Variants in MYO16 observed in about 807,000 individuals in gnomAD.
MYO16 encodes the protein unconventional myosin-XVI.
Under a neutral mutation model 205.3 loss-of-function variants are expected in MYO16, and 94 were observed. The observed-to-expected ratio is 0.46, with a 90% CI of 0.39 to 0.54. The LOEUF is 0.54. Ranked by LOEUF, MYO16 falls within the 20% of genes least tolerant of loss-of-function variation. The pLI is 0.00. For missense variants in MYO16, 2,315 were observed against 2,387.5 expected (o/e 0.97, Z 0.63); for synonymous variants, 988 against 954.0 (o/e 1.04, Z -0.66).
At chr13:108,809,678 C>T (rs1887224987) in intron 7 of MYO16, among the ~76,000 whole-genome samples, 1 of 152,198 alleles carries the variant, frequency 6.6e-6, no homozygotes, top group South Asian at 2.1e-4. Flanking sequence ...CCCAATCACC[C>T]CCAACCAGGC....
intron 10 of MYO16, among the ~76,000 whole-genome samples, chr13:108,844,931 T>G (rs946575007): frequency 6.6e-6 from 1 of 152,136 alleles, no homozygotes; most frequent in African/African-American, 2.4e-5. Context: ...TACGTGTCTG[T>G]GTGTTTATGT....
At chr13:109,103,032 C>A (rs157003) in intron 28 of MYO16, among the ~76,000 whole-genome samples, 119,353 of 151,972 alleles carry the variant, frequency 0.79, 47,011 homozygotes, top group Middle Eastern at 0.87. Context: ...AGCTTCTTCA[C>A]GATGTAACCT....
At chr13:108,944,805 C>G (rs935576068) in intron 16 of MYO16, among the ~76,000 whole-genome samples, 1 of 152,028 alleles carries the variant, frequency 6.6e-6, no homozygotes, top group African/African-American at 2.4e-5. Flanking sequence ...CCTTATAACA[C>G]TTTTATTAGT....
intron 21 of MYO16, among the ~76,000 whole-genome samples, chr13:108,993,367 T>C (rs1213633966): frequency 6.6e-6 from 1 of 152,154 alleles, no homozygotes; most frequent in Admixed American, 6.5e-5. Flanking sequence ...AGATTAAACA[T>C]AATTAAACAG....
At chr13:108,878,959 A>G (rs1879462527) in intron 12 of MYO16, among the ~76,000 whole-genome samples, 1 of 152,218 alleles carries the variant, frequency 6.6e-6, no homozygotes, top group South Asian at 2.1e-4. Context: ...TGATCCATTT[A>G]TCTAGTCTTT....
chr13:108,779,277 C>T (rs999017567), intron 4 of MYO16, among the ~76,000 whole-genome samples: 16 of 152,068 alleles, frequency 1.1e-4, no homozygotes, highest in Non-Finnish European at 1.5e-4. Flanking sequence ...TTGTTAGCAT[C>T]CAGCCAGGAT....
intron 32 of MYO16, among the ~76,000 whole-genome samples, chr13:109,155,642 C>G (rs1877972515): frequency 6.6e-6 from 1 of 152,232 alleles, no homozygotes; most frequent in Non-Finnish European, 1.5e-5. Context: ...TCCATCACCA[C>G]TAGACTCAGA....
chr13:108,962,337 A>T, intron 18 of MYO16, 87 bp from the exon 19 acceptor site: 1 of 1,044,618 alleles, frequency 9.6e-7, no homozygotes, highest in South Asian at 1.4e-5. Flanking sequence ...GCCTATATAA[A>T]ACTTATCAAT....
At chr13:108,666,791 C>A (rs1001612853) in intron 2 of MYO16, among the ~76,000 whole-genome samples, 1 of 152,150 alleles carries the variant, frequency 6.6e-6, no homozygotes, top group Non-Finnish European at 1.5e-5. Flanking sequence ...ATTGTCTTCA[C>A]AAGACTGTTA....
chr13:108,739,545 C>A (rs1024686608), intron 4 of MYO16, among the ~76,000 whole-genome samples: 1 of 152,198 alleles, frequency 6.6e-6, no homozygotes, highest in African/African-American at 2.4e-5. Context: ...AGTAACCCGA[C>A]CTTTCTCTCT....
chr13:108,510,485 T>TTTTTTTTTA, the MYO16 span, among the ~76,000 whole-genome samples: 2 of 96,470 alleles, frequency 2.1e-5, no homozygotes, highest in Non-Finnish European at 4.3e-5. Context: ...TTTTTTTTTT[T>TTTTTTTTTA]ATTGTACTTT....
intron 11 of MYO16, among the ~76,000 whole-genome samples, chr13:108,858,823 G>A (rs545680340): frequency 3.4e-4 from 51 of 152,220 alleles, no homozygotes; most frequent in African/African-American, 9.4e-4. Context: ...AAGCCGCAAC[G>A]CTTTCCCCCT....
At chr13:109,043,946 A>G (rs998082824) in intron 23 of MYO16, among the ~76,000 whole-genome samples, 1 of 152,174 alleles carries the variant, frequency 6.6e-6, no homozygotes, top group Admixed American at 6.5e-5. Context: ...AGGCAAAAAG[A>G]TTTCTAACAG....
At chr13:108,542,060 C>T in the MYO16 span, among the ~76,000 whole-genome samples, 7 of 152,254 alleles carry the variant, frequency 4.6e-5, 1 homozygote, top group South Asian at 8.3e-4. Flanking sequence ...TGGAATCAAC[C>T]TAAATTCTCA....
the MYO16 span, among the ~76,000 whole-genome samples, chr13:108,537,906 G>T: frequency 6.6e-6 from 1 of 151,686 alleles, no homozygotes; most frequent in Non-Finnish European, 1.5e-5. Flanking sequence ...GTAGACTGTG[G>T]GTATTAATCC....
chr13:108,747,644 T>C (rs370269058), intron 4 of MYO16, among the ~76,000 whole-genome samples: 4 of 152,240 alleles, frequency 2.6e-5, no homozygotes, highest in East Asian at 3.9e-4. Flanking sequence ...ATGTAATACA[T>C]GGAAATAGTT....
chr13:108,772,360 AAAAAG>A lies in MYO16; in HGVS notation c.508-13256_508-13252del, dbSNP rs111731215. Among the ~76,000 whole-genome samples the A allele has an allele frequency of 3.5e-4, 53 of 151,802 alleles. No homozygotes were observed. The South Asian group carries it at 9.1e-3, about 26-fold the overall frequency. ...GCAAGACCCTGTCTCAAAAGAAAGA[AAAAAG>A]AAAAGAAAAGAAAAGAAATCACCAA... On this transcript the variant is annotated intron_variant, in intron 4 of 34. Transcript: ENST00000457511.
At chr13:108,654,069 A>G (rs1240279383) in intron 1 of MYO16, among the ~76,000 whole-genome samples, 2 of 151,908 alleles carry the variant, frequency 1.3e-5, no homozygotes, top group Non-Finnish European at 2.9e-5. Flanking sequence ...ATCCTTGTGT[A>G]GGTCTCTCAG....
chr13:108,768,221 G>A (rs1390615636), intron 4 of MYO16, among the ~76,000 whole-genome samples: 3 of 151,936 alleles, frequency 2.0e-5, no homozygotes, highest in Non-Finnish European at 4.4e-5. Flanking sequence ...AGCACTCCTC[G>A]GCTCCTTTGT....
Sources: allele counts gnomAD v4.1 joint callset (sites outside exome capture counted in the v4.1 genomes callset), GRCh38; gene constraint gnomAD v4.1.1; transcripts MANE v1.5; gene names NCBI Gene and HGNC (gene_info 2026-07-23, HGNC 2026-07-21).